RABGAP1L: variants seen among roughly 807,000 people sequenced by gnomAD.
RABGAP1L encodes rab GTPase-activating protein 1-like.
A neutral mutation model predicts 137.7 loss-of-function variants in RABGAP1L; 63 were observed. The observed-to-expected ratio is 0.46, with a 90% CI of 0.37 to 0.56. The LOEUF is 0.56. RABGAP1L is among the 20% of genes least tolerant of loss of function. RABGAP1L has a pLI of 0.00. For synonymous variants in RABGAP1L, 431 were observed against 433.7 expected (o/e 0.99, Z 0.08); for missense variants, 1,095 against 1,244.0 (o/e 0.88, Z 1.80).
At chr1:174,494,196 G>A (rs2149360313) in intron 13 of RABGAP1L, among the ~76,000 whole-genome samples, 1 of 152,230 alleles carries the variant, frequency 6.6e-6, no homozygotes, top group Non-Finnish European at 1.5e-5. Context: ...CTGTTGATGG[G>A]CTCCTGCAGA....
At chr1:174,864,563 A>G (rs918860159) in intron 19 of RABGAP1L, among the ~76,000 whole-genome samples, 13 of 152,154 alleles carry the variant, frequency 8.5e-5, no homozygotes, top group African/African-American at 3.1e-4. Context: ...TTCTAAAACC[A>G]TCAGATCTCA....
chr1:174,213,857 A>G (rs898773248), intron 1 of RABGAP1L, among the ~76,000 whole-genome samples: 2 of 152,244 alleles, frequency 1.3e-5, no homozygotes, highest in Non-Finnish European at 2.9e-5. Flanking sequence ...AATAAAAGCC[A>G]TGTATGAGAG....
At position 174,195,574 on chromosome 1, in the gene RABGAP1L, ATTCTTTCTTTCT is replaced by A. The variant is rs201213056; in HGVS notation, c.-33-23517_-33-23506del. 1.2e-3 allele frequency among the ~76,000 whole-genome samples: 90 copies of A among 74,558 alleles called. 1 individual carries two copies. Among genetic ancestry groups the A allele is most frequent in the Non-Finnish European group, 1.9e-3 (75 of 40,478 alleles). 48.9% of individuals were successfully genotyped at this position (74,558 alleles called of 152,430 possible). Reference sequence around the variant, plus strand: ...TAACTTTGGGTAGGGTTCTTAATCAATTCTTTCTTTCTTTCTTTCTTTCTTTCTTTCTTTCTT... The same window carrying A: ...TAACTTTGGGTAGGGTTCTTAATCAATTCTTTCTTTCTTTCTTTCTTTCTT... On this transcript the variant is annotated intron_variant, in intron 1 of 25. Transcript: ENST00000681986.
chr1:174,929,213 A>G (rs1156602386), intron 19 of RABGAP1L, among the ~76,000 whole-genome samples: 1 of 152,288 alleles, frequency 6.6e-6, no homozygotes, highest in Admixed American at 6.5e-5. Context: ...TTAAAATACA[A>G]TAATAATAAA....
intron 13 of RABGAP1L, among the ~76,000 whole-genome samples, chr1:174,611,531 C>T (rs562365179): frequency 0.02 from 3,004 of 148,312 alleles, 48 homozygotes; most frequent in Middle Eastern, 0.08. Context: ...ATTGACTTGG[C>T]GATGCGGGCT....
intron 13 of RABGAP1L, among the ~76,000 whole-genome samples, chr1:174,439,223 G>T (rs1269003046): frequency 6.6e-6 from 1 of 152,044 alleles, no homozygotes; most frequent in Admixed American, 6.6e-5. Context: ...CCCATAAAGT[G>T]TCTTTATCAG....
At chr1:174,291,563 A>G (rs1226805244) in intron 10 of RABGAP1L, among the ~76,000 whole-genome samples, 1 of 152,194 alleles carries the variant, frequency 6.6e-6, no homozygotes, top group African/African-American at 2.4e-5. Context: ...GATAGAGTTC[A>G]CCAGTGAAAC....
chr1:174,436,052 T>TAG (rs1479244836), intron 13 of RABGAP1L, among the ~76,000 whole-genome samples: 2 of 152,196 alleles, frequency 1.3e-5, no homozygotes, highest in African/African-American at 2.4e-5. Flanking sequence ...ATCTAGTCTA[T>TAG]CATTGTTGGA....
At chr1:174,303,771 T>C (rs1000388990) in intron 10 of RABGAP1L, among the ~76,000 whole-genome samples, 1 of 152,178 alleles carries the variant, frequency 6.6e-6, no homozygotes. Flanking sequence ...TAAGTGCAGA[T>C]GAAATATTTT....
At chr1:174,709,306 T>C (rs572930524) in intron 17 of RABGAP1L, among the ~76,000 whole-genome samples, 1 of 152,204 alleles carries the variant, frequency 6.6e-6, no homozygotes, top group Non-Finnish European at 1.5e-5. Flanking sequence ...GATCTCCCAG[T>C]ACAGTGCTCG....
intron 12 of RABGAP1L, among the ~76,000 whole-genome samples, chr1:174,386,349 A>G (rs1377998270): frequency 1.3e-5 from 2 of 152,176 alleles, no homozygotes; most frequent in African/African-American, 4.8e-5. Context: ...AGAAAACAAA[A>G]TGGCAGCAAC....
At chr1:174,426,615 G>A (rs1477581021) in intron 13 of RABGAP1L, among the ~76,000 whole-genome samples, 1 of 151,954 alleles carries the variant, frequency 6.6e-6, no homozygotes, top group Non-Finnish European at 1.5e-5. Context: ...TATCTTATAA[G>A]CAACATCAGA....
At chr1:174,957,746 T>C (rs1214463895) in intron 20 of RABGAP1L, 197 bp downstream of exon 20, 23 of 796,054 alleles carry the variant, frequency 2.9e-5, no homozygotes, top group South Asian at 4.7e-5. Context: ...TTTTTTTTTT[T>C]CTTAAAGCAG....
chr1:174,894,890 G>A (rs1193537445), intron 19 of RABGAP1L, among the ~76,000 whole-genome samples: 1 of 152,164 alleles, frequency 6.6e-6, no homozygotes, highest in Non-Finnish European at 1.5e-5. Flanking sequence ...CCGAGTAGCT[G>A]AGATTACAGG....
chr1:174,470,821 C>A (rs1368200080), intron 13 of RABGAP1L, among the ~76,000 whole-genome samples: 1 of 152,058 alleles, frequency 6.6e-6, no homozygotes, highest in Non-Finnish European at 1.5e-5. Context: ...AGTTAGAGAA[C>A]AGACCATACC....
At chr1:174,644,954 A>G (rs193210263) in intron 14 of RABGAP1L, among the ~76,000 whole-genome samples, 151 of 152,272 alleles carry the variant, frequency 9.9e-4, no homozygotes, top group African/African-American at 3.5e-3. Context: ...CTATACCCAC[A>G]GTGATTTATA....
chr1:174,610,654 A>G (rs1282617250), intron 13 of RABGAP1L, among the ~76,000 whole-genome samples: 1 of 152,172 alleles, frequency 6.6e-6, no homozygotes, highest in Non-Finnish European at 1.5e-5. Context: ...TGGTTGAACT[A>G]GATTACAGTC....
Position 174,305,111 on chromosome 1 carries a change from T to A in RABGAP1L, c.1449T>A (p.Asp483Glu). Residue 483 changes from aspartate to glutamate, a missense_variant, in exon 11 of 26, where the codon GAT becomes GAA. Physicochemically the swap from Asp to Glu is conservative, Grantham distance 45. Transcript: ENST00000681986. The part of the protein sequence containing the change: ...TSGGGPMSPQ[D>E]DEAEEESDNE... ...GAGGGGGTCCAATGTCACCCCAGGA[T>A]GATGAAGCAGAAGAGGGTAAGAAGT... 2.0e-6 allele frequency: 3 copies of A among 1,536,496 alleles called. No individual in the cohort carries two copies. Among genetic ancestry groups the A allele is most frequent in the Non-Finnish European group, 1.7e-6 (2 of 1,152,070 alleles).
chr1:174,829,994 G>A (rs1691938774), intron 19 of RABGAP1L, among the ~76,000 whole-genome samples: 1 of 148,038 alleles, frequency 6.8e-6, no homozygotes, highest in Admixed American at 6.8e-5. Context: ...CTGTGAGTTG[G>A]CTAGGTGGTT....
Sources: gnomAD v4.1 joint callset for allele counts (sites outside exome capture counted in the v4.1 genomes callset) on GRCh38, gnomAD v4.1.1 for gene constraint, MANE v1.5 for transcripts, NCBI Gene and HGNC (gene_info 2026-07-23, HGNC 2026-07-21) for gene names.